Variants in NRCAM observed in about 807,000 individuals in gnomAD.
NRCAM encodes NgCAM-related cell adhesion molecule.
NRCAM carries 83 observed loss-of-function variants against 156.5 expected under a neutral mutation model. That is an observed-to-expected ratio of 0.53 (90% CI 0.44 to 0.64). NRCAM has a LOEUF of 0.64. Ranked by LOEUF, NRCAM falls within the 30% of genes least tolerant of loss-of-function variation. The probability of loss-of-function intolerance (pLI) is 0.00; values close to 1 mark genes in which losing one functional copy is unlikely to be tolerated. For synonymous variants in NRCAM, 538 were observed against 563.9 expected, an observed-to-expected ratio of 0.95 and a Z score of 0.65; for missense variants, 1,417 against 1,597.3, an observed-to-expected ratio of 0.89 and a Z score of 1.92.
At chr7:108,370,120 CATT>C (rs1315972189) in intron 2 of NRCAM, among the ~76,000 whole-genome samples, 1 of 152,076 alleles carries the variant, frequency 6.6e-6, no homozygotes, top group African/African-American at 2.4e-5. Context: ...CTATACTTAT[CATT>C]ATTTTTCTAT....
chr7:108,177,275 C>T (rs2060901959), intron 26 of NRCAM, among the ~76,000 whole-genome samples: 1 of 151,980 alleles, frequency 6.6e-6, no homozygotes, highest in East Asian at 1.9e-4. Flanking sequence ...AAAAGTAGAA[C>T]ACAGCATCCC....
At chr7:108,314,063 C>A (rs1422477535) in intron 2 of NRCAM, among the ~76,000 whole-genome samples, 2 of 152,144 alleles carry the variant, frequency 1.3e-5, no homozygotes, top group East Asian at 3.9e-4. Context: ...CTAAAAAGCA[C>A]AGATATGTAA....
chr7:108,218,218 G>A (rs1285658564), intron 11 of NRCAM, among the ~76,000 whole-genome samples: 1 of 151,652 alleles, frequency 6.6e-6, no homozygotes, highest in Admixed American at 6.6e-5. Flanking sequence ...TCCTGAGTGA[G>A]GTGACACCCC....
intron 1 of NRCAM, among the ~76,000 whole-genome samples, chr7:108,449,163 T>C (rs1302548105): frequency 6.6e-6 from 1 of 152,346 alleles, no homozygotes; most frequent in Admixed American, 6.5e-5. Context: ...GTTTACCAAG[T>C]GCCTCGCTTG....
At chr7:108,348,930 A>G (rs1267112837) in intron 2 of NRCAM, among the ~76,000 whole-genome samples, 2 of 150,656 alleles carry the variant, frequency 1.3e-5, no homozygotes, top group East Asian at 2.0e-4. Flanking sequence ...AAAGGAAGGA[A>G]AGTCTTTAGG....
intron 17 of NRCAM, among the ~76,000 whole-genome samples, chr7:108,192,097 G>A (rs1369555367): frequency 6.6e-6 from 1 of 152,202 alleles, no homozygotes; most frequent in Non-Finnish European, 1.5e-5. Flanking sequence ...CAGGCCTCTA[G>A]AGCACGGGTC....
chr7:108,152,281 TAA>T (rs774119908), intron 32 of NRCAM, among the ~76,000 whole-genome samples: 1 of 151,892 alleles, frequency 6.6e-6, no homozygotes, highest in Non-Finnish European at 1.5e-5. Flanking sequence ...TCAACAACTT[TAA>T]AAGAGTTGAG....
Position 108,321,702 on chromosome 7 carries a change from TC to T in NRCAM, c.-173-8972del, listed in dbSNP as rs2099003417. On this transcript the variant is annotated intron_variant, in intron 2 of 32. Transcript: ENST00000379028. Reference sequence around the variant, plus strand: ...TTTTTGAGACTGAGGCTCACAAAGATCTTAAAGTTTAATCTGATTTGATTTA... The same window carrying T: ...TTTTTGAGACTGAGGCTCACAAAGATTTAAAGTTTAATCTGATTTGATTTA... Among the ~76,000 whole-genome samples, 6 of 152,336 alleles carry T rather than the reference TC, an allele frequency of 3.9e-5. No individual in the cohort carries two copies. In the South Asian group the frequency reaches 1.2e-3, roughly 32 times the overall value.
At chr7:108,438,206 T>C (rs2154477817) in intron 1 of NRCAM, among the ~76,000 whole-genome samples, 1 of 152,068 alleles carries the variant, frequency 6.6e-6, no homozygotes, top group South Asian at 2.1e-4. Context: ...GGTAACAAAA[T>C]CAGACCAAGG....
chr7:108,433,608 T>C (rs1409871121), intron 1 of NRCAM, among the ~76,000 whole-genome samples: 2 of 152,162 alleles, frequency 1.3e-5, no homozygotes, highest in Non-Finnish European at 2.9e-5. Flanking sequence ...ACTGTATTAG[T>C]TCCCTCAAGA....
At chr7:108,326,797 T>C (rs995324840) in intron 2 of NRCAM, among the ~76,000 whole-genome samples, 45 of 152,296 alleles carry the variant, frequency 3.0e-4, no homozygotes, top group African/African-American at 1.1e-3. Context: ...CTATTTATAA[T>C]TCACAGTGGC....
At chr7:108,282,145 A>G (rs960383153) in intron 3 of NRCAM, among the ~76,000 whole-genome samples, 1 of 152,262 alleles carries the variant, frequency 6.6e-6, no homozygotes, top group African/African-American at 2.4e-5. Context: ...ATAACAAAGT[A>G]CAGTATAAAG....
At chr7:108,418,104 A>T (rs895199306) in intron 1 of NRCAM, among the ~76,000 whole-genome samples, 8 of 152,164 alleles carry the variant, frequency 5.3e-5, no homozygotes, top group Non-Finnish European at 1.0e-4. Context: ...GCAGACCAAG[A>T]AATGACTTCT....
chr7:108,289,936 T>C (rs973173915), intron 3 of NRCAM, among the ~76,000 whole-genome samples: 1 of 152,062 alleles, frequency 6.6e-6, no homozygotes, highest in South Asian at 2.1e-4. Context: ...ACAACTGTAA[T>C]ATAATAAAAA....
chr7:108,231,701 CCTTGA>C (rs1436733794), intron 7 of NRCAM, among the ~76,000 whole-genome samples: 2 of 152,066 alleles, frequency 1.3e-5, no homozygotes, highest in African/African-American at 4.8e-5. Flanking sequence ...GTAGTTATTT[CCTTGA>C]ATGGAAGGAT....
chr7:108,429,792 G>T (rs1273449832), intron 1 of NRCAM, among the ~76,000 whole-genome samples: 1 of 152,144 alleles, frequency 6.6e-6, no homozygotes, highest in Non-Finnish European at 1.5e-5. Context: ...AGCTAAATAA[G>T]AAAATTATGC....
chr7:108,423,010 G>A (rs910433639), intron 1 of NRCAM, among the ~76,000 whole-genome samples: 2 of 152,134 alleles, frequency 1.3e-5, no homozygotes, highest in South Asian at 4.2e-4. Flanking sequence ...CCTGCCCAGG[G>A]AAACCTAGGC....
chr7:108,224,094 T>C (rs1232851904), intron 10 of NRCAM, among the ~76,000 whole-genome samples: 1 of 152,148 alleles, frequency 6.6e-6, no homozygotes, highest in Non-Finnish European at 1.5e-5. Context: ...GTATACTCCC[T>C]TAATTTGGGT....
intron 13 of NRCAM, among the ~76,000 whole-genome samples, chr7:108,203,691 A>C (rs1196501066): frequency 6.6e-6 from 1 of 152,088 alleles, no homozygotes; most frequent in Non-Finnish European, 1.5e-5. Flanking sequence ...TGGTCCCCTG[A>C]CTGTATCTCT....
Sources: allele counts gnomAD v4.1 joint callset (sites outside exome capture counted in the v4.1 genomes callset), GRCh38; gene constraint gnomAD v4.1.1; transcripts MANE v1.5; gene names NCBI Gene and HGNC (gene_info 2026-07-23, HGNC 2026-07-21).